Variants in DUSP8 observed in about 807,000 individuals in gnomAD.
DUSP8 encodes the protein dual specificity protein phosphatase 8.
DUSP8 carries 15 observed loss-of-function variants against 38.7 expected under a neutral mutation model. That is an observed-to-expected ratio of 0.39 (90% CI 0.26 to 0.60). The LOEUF (loss-of-function observed/expected upper bound fraction) is 0.60. Among genes scored for constraint, DUSP8 ranks in the 20% least tolerant of loss-of-function variants. The probability of loss-of-function intolerance (pLI) is 0.56; values close to 1 mark genes in which losing one functional copy is unlikely to be tolerated. For synonymous variants in DUSP8, 458 were observed against 433.9 expected, an observed-to-expected ratio of 1.06 and a Z score of -0.69; for missense variants, 768 against 915.0, an observed-to-expected ratio of 0.84 and a Z score of 2.07.
upstream of DUSP8, among the ~76,000 whole-genome samples, chr11:1,572,487 C>T (rs1848923143): frequency 6.6e-6 from 1 of 151,596 alleles, no homozygotes; most frequent in African/African-American, 2.4e-5. This position sits in a 1 kb window ranked among gnomAD's most constrained non-coding sequence, Gnocchi z 4.7. Flanking sequence ...CTTCCGCCCT[C>T]ACCCCGGGAC....
chr11:1,557,322 G>A lies in DUSP8; in HGVS notation c.1074C>T (p.Pro358=), dbSNP rs775675442. 7 of 1,498,792 alleles carry A rather than the reference G, an allele frequency of 4.7e-6. No homozygotes were observed. In the East Asian group the frequency reaches 1.3e-4, roughly 28 times the overall value. 92.8% of individuals were successfully genotyped at this position (1,498,792 alleles called of 1,614,324 possible). A position where few individuals can be genotyped will look rare whatever the true frequency, so the allele number is the denominator to read the frequency against. The change falls in exon 7 of 7, where the codon CCC becomes CCT. Residue 358 remains proline, a synonymous_variant. Transcript: ENST00000397374. This position sits in a 1 kb window ranked among gnomAD's most constrained non-coding sequence, Gnocchi z 9.9. ...TCGCCGGGGGCGTGGGGGGCGCGGG[G>A]GGCTCCCCGCCCGCGCTCAGGCCGC... The part of the protein sequence containing the change: ...REGGLSAGGE[P]PAPPTPPATS...
chr11:1,561,872 G>A (rs565086902), intron 3 of DUSP8, among the ~76,000 whole-genome samples: 2 of 152,308 alleles, frequency 1.3e-5, no homozygotes, highest in Admixed American at 1.3e-4. Flanking sequence ...CCCAGAGCAG[G>A]GGCTGTGCCC....
In DUSP8 at chr11:1,554,769, G is replaced by A. The variant is rs894347806; in HGVS notation, c.*1749C>T. On this transcript the variant is annotated 3_prime_UTR_variant, in exon 7 of 7. Transcript: ENST00000397374. ...GTCTCCTCAGAAACCCAACGCAACA[G>A]ACATATGGGAGGCAAATTTACATAA... 2.8e-5 allele frequency: 14 copies of A among 497,564 alleles called. 1 individual carries two copies. In the Admixed American group the frequency reaches 8.3e-4, roughly 29 times the overall value. The allele number at this position is 497,564 out of a possible 1,614,324, so 30.8% of individuals were successfully genotyped here. A position where few individuals can be genotyped will look rare whatever the true frequency, so the allele number is the denominator to read the frequency against.
chr11:1,558,895 TA>T lies in DUSP8; in HGVS notation c.530del (p.Leu177GlnfsTer5). Reference protein sequence around the residue: ...HLYLGSQKDVLNKDLMTQNGI... With the variant: ...HLYLGSQKDVXNKDLMTQNGI... Reference sequence around the variant, plus strand: ...AACTCCACTGCACACACACCTTGTTTAGGACGTCCTTCTGCGAGCCCAGGTA... The same window carrying T: ...AACTCCACTGCACACACACCTTGTTTGGACGTCCTTCTGCGAGCCCAGGTA... On this transcript the variant is annotated frameshift_variant, in exon 4 of 7. Transcript: ENST00000397374. LOFTEE classifies it high-confidence loss of function. The surrounding 1 kb of genome is among the most constrained non-coding windows in gnomAD (Gnocchi z 6.3). 6.2e-7 allele frequency: 1 copy of T among 1,609,244 alleles called. No homozygotes were observed. The highest frequency in any genetic ancestry group is 8.5e-7 in the Non-Finnish European group (1 of 1,177,136).
chr11:1,562,866 A>G (rs920411904), intron 3 of DUSP8, among the ~76,000 whole-genome samples: 6 of 152,132 alleles, frequency 3.9e-5, no homozygotes, highest in Admixed American at 2.0e-4. Context: ...CCTGGCCTCA[A>G]TGCTCTTGCC....
chr11:1,571,055 TC>T (rs972747195), intron 1 of DUSP8, among the ~76,000 whole-genome samples: 10 of 151,182 alleles, frequency 6.6e-5, no homozygotes, highest in African/African-American at 2.4e-4. Context: ...GAGCCCCTAT[TC>T]CCCTCAGCAG....
intron 1 of DUSP8, among the ~76,000 whole-genome samples, chr11:1,567,661 G>A (rs1848824421): frequency 6.6e-6 from 1 of 152,250 alleles, no homozygotes; most frequent in African/African-American, 2.4e-5. Flanking sequence ...ACACCTGACT[G>A]TGGATGGGCA....
chr11:1,556,959 C>T lies in DUSP8; in HGVS notation c.1437G>A (p.Ala479=), dbSNP rs1848636707. ...GGCCGTGCCGCGGAGTCTGCCGGGC[C>T]GCATCGCCGAAGTTCAGGCCGAGGC... The part of the protein sequence containing the change: ...AHSLGLNFGD[A]ARQTPRHGLS... Residue 479 remains alanine (A), a synonymous_variant, in exon 7 of 7, where the codon GCG becomes GCA. Coordinates refer to ENST00000397374, the MANE Select transcript of DUSP8 (RefSeq NM_004420.3). This position sits in a 1 kb window ranked among gnomAD's most constrained non-coding sequence, Gnocchi z 5.2. The T allele has an allele frequency of 4.7e-6, 5 of 1,064,972 alleles. No individual in the cohort carries two copies. Among genetic ancestry groups the T allele is most frequent in the Non-Finnish European group, 5.7e-6 (5 of 882,850 alleles). The allele number at this position is 1,064,972 out of a possible 1,614,324, so 66.0% of individuals were successfully genotyped here. A position where few individuals can be genotyped will look rare whatever the true frequency, so the allele number is the denominator to read the frequency against.
In DUSP8 at chr11:1,556,492, C is replaced by A. The variant is rs999819245; in HGVS notation, c.*26G>T. ...CATTTATAACGGGCCTGGCTGCGGG[C>A]GGCGGGGCCGAGGGCAGCGGAGGGG... is the stretch of plus-strand genomic sequence containing the variant. On this transcript the variant is annotated 3_prime_UTR_variant, in exon 7 of 7. Coordinates refer to ENST00000397374, the MANE Select transcript of DUSP8 (RefSeq NM_004420.3). The surrounding 1 kb of genome is among the most constrained non-coding windows in gnomAD (Gnocchi z 5.2). The A allele has an allele frequency of 1.6e-6, 2 of 1,232,880 alleles. No individual in the cohort carries two copies. The highest frequency in any genetic ancestry group is 3.2e-5 in the East Asian group (1 of 31,662). The allele number at this position is 1,232,880 out of a possible 1,614,324, so 76.4% of individuals were successfully genotyped here.
intron 1 of DUSP8, among the ~76,000 whole-genome samples, chr11:1,567,249 G>A (rs1439915117): frequency 1.3e-5 from 2 of 152,154 alleles, no homozygotes; most frequent in East Asian, 1.9e-4. Context: ...AGCGGGCTAC[G>A]GTGGGTAGCG....
chr11:1,562,661 G>GTACATGCACACACA (rs1359988845), intron 3 of DUSP8, among the ~76,000 whole-genome samples: 1 of 151,704 alleles, frequency 6.6e-6, no homozygotes, highest in Non-Finnish European at 1.5e-5. Flanking sequence ...ATGCACACAT[G>GTACATGCACACACA]TACATGCACA....
At chr11:1,559,121 C>T in intron 3 of DUSP8, 66 bp from the exon 4 acceptor site, 2 of 1,512,238 alleles carry the variant, frequency 1.3e-6, no homozygotes, top group Non-Finnish European at 1.8e-6. Flanking sequence ...CCTAGGGTGC[C>T]CTGTCCGCCT....
At chr11:1,565,107 T>C (rs1193464421) in intron 2 of DUSP8, among the ~76,000 whole-genome samples, 3 of 152,150 alleles carry the variant, frequency 2.0e-5, no homozygotes, top group Non-Finnish European at 4.4e-5. Flanking sequence ...TGGGGGAAGC[T>C]GTGGGACGGG....
At chr11:1,570,398 C>T (rs1004097110) in intron 1 of DUSP8, among the ~76,000 whole-genome samples, 1 of 152,290 alleles carries the variant, frequency 6.6e-6, no homozygotes, top group East Asian at 1.9e-4. Flanking sequence ...TGCCCCTTTC[C>T]CTGCCTTCTG....
chr11:1,568,478 T>C (rs957599787), intron 1 of DUSP8, among the ~76,000 whole-genome samples: 1 of 152,156 alleles, frequency 6.6e-6, no homozygotes, highest in African/African-American at 2.4e-5. Flanking sequence ...AGTATTGTTA[T>C]TTGCAGCCGA....
chr11:1,564,879 C>T (rs1848778217), intron 2 of DUSP8, among the ~76,000 whole-genome samples: 1 of 152,228 alleles, frequency 6.6e-6, no homozygotes, highest in Non-Finnish European at 1.5e-5. Context: ...ATCAGTGACC[C>T]AGACCCCTCT....
chr11:1,563,834 G>T lies in DUSP8; in HGVS notation c.370+17C>A. The T allele has an allele frequency of 6.8e-7, 1 of 1,465,090 alleles. No homozygotes were observed. The highest frequency in any genetic ancestry group is 9.1e-7 in the Non-Finnish European group (1 of 1,101,702). The allele number at this position is 1,465,090 out of a possible 1,614,324, so 90.8% of individuals were successfully genotyped here. On this transcript the variant is annotated intron_variant, in intron 3 of 6. Transcript: ENST00000397374. Reference sequence around the variant, plus strand: ...GGCGGAGCAAGTGCCTCGGGGAGGCGTGGGTCATGGACTCACCAGTGAGGA... The same window carrying T: ...GGCGGAGCAAGTGCCTCGGGGAGGCTTGGGTCATGGACTCACCAGTGAGGA...
intron 1 of DUSP8, among the ~76,000 whole-genome samples, chr11:1,567,546 T>A (rs945488780): frequency 1.3e-5 from 2 of 152,168 alleles, no homozygotes; most frequent in African/African-American, 4.8e-5. Flanking sequence ...TCACTCTCCT[T>A]CTCCAGACAC....
In DUSP8 at chr11:1,559,169, A is replaced by ATG; in HGVS notation, c.371-115_371-114insCA. The ATG allele has an allele frequency of 4.7e-6, 5 of 1,066,230 alleles. No individual in the cohort carries two copies. The South Asian group carries it at 7.3e-5, about 16-fold the overall frequency. The allele number at this position is 1,066,230 out of a possible 1,614,324, so 66.0% of individuals were successfully genotyped here. On this transcript the variant is annotated intron_variant, in intron 3 of 6. Transcript: ENST00000397374. ...CTACTGCTGAGGATCAGTCACACCC[A>ATG]GCCCAGACCCGAGCCTGAGCCCAGC...
Sources: allele counts gnomAD v4.1 joint callset (sites outside exome capture counted in the v4.1 genomes callset), GRCh38; gene constraint gnomAD v4.1.1; non-coding constraint Gnocchi (gnomAD v3.1); transcripts MANE v1.5; gene names NCBI Gene and HGNC (gene_info 2026-07-23, HGNC 2026-07-21).